The following LHCGR variants were observed in gnomAD, a reference collection of about 807,000 sequenced individuals.
LHCGR encodes the protein lutropin-choriogonadotropic hormone receptor.
Under a neutral mutation model 60.7 loss-of-function variants are expected in LHCGR, and 55 were observed. That is an observed-to-expected ratio of 0.91 (90% CI 0.73 to 1.13). LHCGR has a LOEUF of 1.13. LHCGR is among the 50% of genes most tolerant of loss of function. LHCGR has a pLI of 0.00. For missense variants in LHCGR, 862 were observed against 836.0 expected, an observed-to-expected ratio of 1.03 and a Z score of -0.38; for synonymous variants, 337 against 316.5, an observed-to-expected ratio of 1.06 and a Z score of -0.69.
intron 1 of LHCGR, among the ~76,000 whole-genome samples, chr2:48,741,147 A>C (rs112696166): frequency 1.3e-5 from 2 of 152,302 alleles, no homozygotes; most frequent in Middle Eastern, 3.4e-3. Context: ...GAGAAAAAAG[A>C]ATAAAAAGAA....
chr2:48,735,443 A>G (rs1173941611), intron 1 of LHCGR, among the ~76,000 whole-genome samples: 1 of 152,222 alleles, frequency 6.6e-6, no homozygotes, highest in East Asian at 1.9e-4. Context: ...TGGTCTCCCC[A>G]GAATCCATCT....
intron 3 of LHCGR, among the ~76,000 whole-genome samples, chr2:48,728,335 C>G (rs1227559785): frequency 6.6e-6 from 1 of 152,142 alleles, no homozygotes; most frequent in Non-Finnish European, 1.5e-5. Context: ...AGAAGAAATG[C>G]CAAGCACAGA....
At chr2:48,712,258 C>G (rs1387955850) in intron 7 of LHCGR, among the ~76,000 whole-genome samples, 1 of 152,024 alleles carries the variant, frequency 6.6e-6, no homozygotes, top group Non-Finnish European at 1.5e-5. Context: ...AGTTTATACA[C>G]TATTTGGAGA....
intron 7 of LHCGR, among the ~76,000 whole-genome samples, chr2:48,713,494 T>A (rs6752933): frequency 0.87 from 131,627 of 152,148 alleles, 57,176 homozygotes; most frequent in Non-Finnish European, 0.9. Context: ...CTGGGTAGGG[T>A]GTGGTGAAAA....
intron 8 of LHCGR, among the ~76,000 whole-genome samples, chr2:48,702,879 G>C (rs1387633581): frequency 1.3e-5 from 2 of 152,186 alleles, no homozygotes; most frequent in Admixed American, 1.3e-4. Flanking sequence ...CTAATTTACA[G>C]TCCCACCAAC....
intron 3 of LHCGR, among the ~76,000 whole-genome samples, chr2:48,728,090 T>G (rs1413075977): frequency 4.6e-5 from 3 of 65,268 alleles, no homozygotes; most frequent in South Asian, 3.7e-4. Flanking sequence ...ATTATGAGTT[T>G]TTTTTTTTTT....
At chr2:48,718,110 A>C (rs920452267) in intron 6 of LHCGR, among the ~76,000 whole-genome samples, 5 of 152,136 alleles carry the variant, frequency 3.3e-5, no homozygotes, top group Admixed American at 1.3e-4. Flanking sequence ...TTTCCAAAAC[A>C]TCATGGTGTC....
At chr2:48,735,881 G>A (rs1050188881) in intron 1 of LHCGR, among the ~76,000 whole-genome samples, 15 of 152,252 alleles carry the variant, frequency 9.9e-5, no homozygotes, top group African/African-American at 3.1e-4. Flanking sequence ...GTTGGAGGTG[G>A]GGCTTGGTTG....
intron 1 of LHCGR, among the ~76,000 whole-genome samples, chr2:48,754,419 C>T (rs1181298393): frequency 1.3e-5 from 2 of 152,078 alleles, no homozygotes; most frequent in African/African-American, 4.8e-5. Context: ...CTCTACCAGC[C>T]TTTTAGATAC....
At chr2:48,744,957 G>GC (rs1669631162) in intron 1 of LHCGR, among the ~76,000 whole-genome samples, 1 of 151,992 alleles carries the variant, frequency 6.6e-6, no homozygotes, top group Non-Finnish European at 1.5e-5. Context: ...CTGACAAAGG[G>GC]CTAATATCCA....
rs758801212 is a variant in LHCGR at position 48,688,789 on chromosome 2, G to A, written c.1008C>T (p.Cys336=). Residue 336 remains cysteine, a synonymous_variant, in exon 11 of 11, where the codon TGC becomes TGT. Coordinates refer to ENST00000294954, the MANE Select transcript of LHCGR (RefSeq NM_000233.4). The surrounding 1 kb of genome is among the most constrained non-coding windows in gnomAD (Gnocchi z 5.2). ...LSGWDYEYGF[C]LPKTPRCAPE... is the part of the protein sequence containing the mutation. ...GAGCACATCGGGGTGTCTTGGGTAA[G>A]CAGAAACCATATTCATAGTCCCAGC... The A allele has an allele frequency of 3.7e-5, 60 of 1,613,980 alleles. No homozygotes were observed. Among genetic ancestry groups the A allele is most frequent in the Middle Eastern group, 1.6e-4 (1 of 6,084 alleles).
At chr2:48,750,610 A>T (rs1340248321) in intron 1 of LHCGR, among the ~76,000 whole-genome samples, 2 of 152,250 alleles carry the variant, frequency 1.3e-5, no homozygotes, top group African/African-American at 4.8e-5. Context: ...GCTGTAATAC[A>T]TGCTAGCTGA....
chr2:48,749,308 C>G lies in LHCGR; in HGVS notation c.161+6203G>C, dbSNP rs186192901. Among the ~76,000 whole-genome samples the G allele has an allele frequency of 5.3e-5, 8 of 152,160 alleles. No individual in the cohort carries two copies. In the East Asian group the frequency reaches 1.3e-3, roughly 26 times the overall value. On this transcript the variant is annotated intron_variant, in intron 1 of 10. Transcript: ENST00000294954. ...GCTGCCCACCAAGTCAGAAAGCCCA[C>G]CTGCCTGGTGGGAGGGATTATTTTA...
At chr2:48,708,502 A>G (rs964761371) in intron 8 of LHCGR, among the ~76,000 whole-genome samples, 1 of 152,062 alleles carries the variant, frequency 6.6e-6, no homozygotes, top group Non-Finnish European at 1.5e-5. Flanking sequence ...CTCTAATCCA[A>G]TATGACTGCT....
At chr2:48,734,850 C>T (rs1210867396) in intron 1 of LHCGR, among the ~76,000 whole-genome samples, 2 of 152,152 alleles carry the variant, frequency 1.3e-5, no homozygotes, top group African/African-American at 4.8e-5. Flanking sequence ...GGGTGATACA[C>T]CACAACTATG....
chr2:48,723,566 T>C, intron 5 of LHCGR, 33 bp from the exon 6 acceptor site: 1 of 1,605,956 alleles, frequency 6.2e-7, no homozygotes, highest in Admixed American at 1.7e-5. Context: ...ATTTACTTTC[T>C]AAATTTTAGC....
chr2:48,748,116 C>A (rs747050804), intron 1 of LHCGR, among the ~76,000 whole-genome samples: 3 of 152,144 alleles, frequency 2.0e-5, no homozygotes, highest in Non-Finnish European at 4.4e-5. Context: ...GCTCTGAACT[C>A]CTATCTTGTT....
chr2:48,755,132 C>T (rs1381085897), intron 1 of LHCGR, among the ~76,000 whole-genome samples: 2 of 151,900 alleles, frequency 1.3e-5, no homozygotes, highest in South Asian at 2.1e-4. Flanking sequence ...CGTGGCTGGC[C>T]CAAGGCTCAA....
intron 8 of LHCGR, among the ~76,000 whole-genome samples, chr2:48,706,601 T>C (rs951488522): frequency 2.0e-5 from 3 of 152,218 alleles, no homozygotes; most frequent in Non-Finnish European, 4.4e-5. Flanking sequence ...TCACTTTTTT[T>C]TCTCTAATCT....
Sources: allele counts gnomAD v4.1 joint callset (sites outside exome capture counted in the v4.1 genomes callset), GRCh38; gene constraint gnomAD v4.1.1; non-coding constraint Gnocchi (gnomAD v3.1); transcripts MANE v1.5; gene names NCBI Gene and HGNC (gene_info 2026-07-23, HGNC 2026-07-21).